RFX3: variants seen among roughly 807,000 people sequenced by gnomAD.
RFX3 encodes the protein transcription factor RFX3.
RFX3 carries 14 observed loss-of-function variants against 98.6 expected under a neutral mutation model. The observed-to-expected ratio is 0.14, with a 90% CI of 0.09 to 0.22. RFX3 has a LOEUF of 0.22. Among genes scored for constraint, RFX3 ranks in the 10% least tolerant of loss-of-function variants. RFX3 has a pLI of 1.00. For missense variants in RFX3, 639 were observed against 926.9 expected, an observed-to-expected ratio of 0.69 and a Z score of 4.03; for synonymous variants, 383 against 328.4, an observed-to-expected ratio of 1.17 and a Z score of -1.80.
intron 9 of RFX3, among the ~76,000 whole-genome samples, chr9:3,273,368 C>G (rs995445491): frequency 6.6e-6 from 1 of 152,142 alleles, no homozygotes; most frequent in Non-Finnish European, 1.5e-5. Context: ...ATTTTCCACA[C>G]AGATTATAAT....
chr9:3,479,134 T>A (rs906463513), intron 1 of RFX3, among the ~76,000 whole-genome samples: 1 of 152,192 alleles, frequency 6.6e-6, no homozygotes, highest in Non-Finnish European at 1.5e-5. Context: ...TAACCCCAAG[T>A]TAAAATATCG....
At chr9:3,336,054 T>C (rs958141971) in intron 3 of RFX3, among the ~76,000 whole-genome samples, 12 of 152,198 alleles carry the variant, frequency 7.9e-5, no homozygotes, top group African/African-American at 2.4e-4. Context: ...AGATGTTGAA[T>C]GTCCTCCAAC....
intron 9 of RFX3, among the ~76,000 whole-genome samples, chr9:3,272,421 C>A (rs564374419): frequency 9.2e-5 from 14 of 152,214 alleles, no homozygotes; most frequent in Admixed American, 2.0e-4. Flanking sequence ...ATGTATGATA[C>A]ACACAATAAC....
intron 1 of RFX3, among the ~76,000 whole-genome samples, chr9:3,413,125 ATT>A (rs200097184): frequency 6.7e-6 from 1 of 148,538 alleles, no homozygotes; most frequent in African/African-American, 2.5e-5. Flanking sequence ...AGCAAGATCG[ATT>A]TTTTTTTTTC....
intron 1 of RFX3, among the ~76,000 whole-genome samples, chr9:3,513,864 C>A (rs1174066710): frequency 6.6e-6 from 1 of 152,168 alleles, no homozygotes; most frequent in Admixed American, 6.5e-5. Flanking sequence ...GCACTCAAAT[C>A]TTTGCTGAAA....
At chr9:3,247,029 G>T (rs923344556) in intron 15 of RFX3, 2 of 957,936 alleles carry the variant, frequency 2.1e-6, no homozygotes, top group Non-Finnish European at 2.5e-6. Flanking sequence ...GAAAAGCATT[G>T]AATAATATCT....
intron 1 of RFX3, among the ~76,000 whole-genome samples, chr9:3,417,078 C>A (rs1018129365): frequency 5.3e-5 from 8 of 151,600 alleles, no homozygotes; most frequent in Middle Eastern, 3.4e-3. Flanking sequence ...AATTTCAAAG[C>A]AAGAAATATT....
chr9:3,448,124 T>C (rs1846212424), intron 1 of RFX3, among the ~76,000 whole-genome samples: 1 of 152,152 alleles, frequency 6.6e-6, no homozygotes. Context: ...ATAATTAATT[T>C]GCTCTTGAGA....
intron 1 of RFX3, among the ~76,000 whole-genome samples, chr9:3,422,582 G>C (rs928918637): frequency 6.6e-6 from 1 of 152,150 alleles, no homozygotes; most frequent in African/African-American, 2.4e-5. Context: ...GTGATTTACA[G>C]ATCAAATTCA....
intron 2 of RFX3, among the ~76,000 whole-genome samples, chr9:3,374,807 C>A (rs1838268802): frequency 6.6e-6 from 1 of 151,272 alleles, no homozygotes. Flanking sequence ...CTGAACTGTA[C>A]ACTTAAAAAT....
intron 2 of RFX3, among the ~76,000 whole-genome samples, chr9:3,350,722 T>C (rs1309419219): frequency 6.6e-6 from 1 of 152,118 alleles, no homozygotes; most frequent in African/African-American, 2.4e-5. Flanking sequence ...CAATGAAATA[T>C]TGTTTTCATT....
At chr9:3,252,464 G>A (rs1821545252) in intron 14 of RFX3, among the ~76,000 whole-genome samples, 1 of 152,184 alleles carries the variant, frequency 6.6e-6, no homozygotes, top group Non-Finnish European at 1.5e-5. Context: ...TTCTGAGGAG[G>A]TGATATCTGA....
intron 1 of RFX3, among the ~76,000 whole-genome samples, chr9:3,522,566 T>C (rs1587930689): frequency 6.6e-6 from 1 of 151,162 alleles, no homozygotes; most frequent in African/African-American, 2.5e-5. Context: ...CGTGTGTGTG[T>C]GTGTGTGTGT....
intron 1 of RFX3, among the ~76,000 whole-genome samples, chr9:3,494,694 T>A (rs1158174969): frequency 6.6e-6 from 1 of 152,180 alleles, no homozygotes; most frequent in African/African-American, 2.4e-5. Context: ...TATAAAATAA[T>A]CTAAATTTTC....
At chr9:3,232,881 A>G (rs571918575) in intron 15 of RFX3, among the ~76,000 whole-genome samples, 1 of 152,220 alleles carries the variant, frequency 6.6e-6, no homozygotes, top group East Asian at 1.9e-4. Flanking sequence ...AGAAACACCC[A>G]CACATGGAGG....
chr9:3,512,206 C>G (rs1003334595), intron 1 of RFX3, among the ~76,000 whole-genome samples: 4 of 151,850 alleles, frequency 2.6e-5, no homozygotes, highest in African/African-American at 9.7e-5. Context: ...CTGTTGTTAG[C>G]ATAAGATTTA....
At chr9:3,345,383 C>T (rs147668323) in intron 3 of RFX3, among the ~76,000 whole-genome samples, 15 of 152,144 alleles carry the variant, frequency 9.9e-5, no homozygotes, top group East Asian at 9.7e-4. Context: ...GGTAGGAATG[C>T]GGAGAATGCC....
intron 1 of RFX3, among the ~76,000 whole-genome samples, chr9:3,444,845 G>A (rs1450088792): frequency 6.6e-6 from 1 of 152,190 alleles, no homozygotes; most frequent in Non-Finnish European, 1.5e-5. Flanking sequence ...AACATGGAAT[G>A]GACTGCTTTG....
chr9:3,314,393 A>C (rs1830328445), intron 4 of RFX3, among the ~76,000 whole-genome samples: 1 of 152,220 alleles, frequency 6.6e-6, no homozygotes, highest in African/African-American at 2.4e-5. Flanking sequence ...GGAAACAAAT[A>C]ACTGGTACCA....
Sources: gnomAD v4.1 joint callset for allele counts (sites outside exome capture counted in the v4.1 genomes callset) on GRCh38, gnomAD v4.1.1 for gene constraint, MANE v1.5 for transcripts, NCBI Gene and HGNC (gene_info 2026-07-23, HGNC 2026-07-21) for gene names.